MSANTD4: variants seen among roughly 807,000 people sequenced by gnomAD.
The protein encoded by MSANTD4 is myb/SANT-like DNA-binding domain-containing protein 4.
A neutral mutation model predicts 34.3 loss-of-function variants in MSANTD4; 13 were observed. The ratio of observed to expected loss-of-function variants is 0.38; its 90% CI spans 0.25 to 0.60. The LOEUF is 0.60. Among genes scored for constraint, MSANTD4 ranks in the 20% least tolerant of loss-of-function variants. The pLI, the probability that MSANTD4 is intolerant of heterozygous loss-of-function variation, is 0.63. For missense variants in MSANTD4, 358 were observed against 401.8 expected (o/e 0.89, Z 0.93); for synonymous variants, 137 against 145.2 (o/e 0.94, Z 0.41).
At chr11:106,017,673 A>G (rs1005922830) in intron 1 of MSANTD4, among the ~76,000 whole-genome samples, 1 of 152,186 alleles carries the variant, frequency 6.6e-6, no homozygotes, top group Non-Finnish European at 1.5e-5. Flanking sequence ...TATGTATTAC[A>G]TGAATACATA....
chr11:106,008,324 A>AAATATACTAC lies in MSANTD4; in HGVS notation c.*1201_*1210dup, dbSNP rs1247222901. On this transcript the variant is annotated 3_prime_UTR_variant, in exon 3 of 3. Transcript: ENST00000301919. Reference sequence around the variant, plus strand: ...GTTCCTCAGGGAAGAGGGAAGGACAAAATATACTACAATATAGAAGATCAG... The same window carrying AAATATACTAC: ...GTTCCTCAGGGAAGAGGGAAGGACAAAATATACTACAATATACTACAATATAGAAGATCAG... 6.6e-6 allele frequency: 1 copy of AAATATACTAC among 152,340 alleles called. No homozygotes were observed. Among genetic ancestry groups the AAATATACTAC allele is most frequent in the Non-Finnish European group, 1.5e-5 (1 of 68,028 alleles). 9.4% of individuals were successfully genotyped at this position (152,340 alleles called of 1,614,324 possible).
In MSANTD4 at chr11:106,010,547, T is replaced by C. The variant is rs1859663219; in HGVS notation, c.371A>G (p.Asp124Gly). 1.9e-6 allele frequency: 3 copies of C among 1,614,166 alleles called. No homozygotes were observed. Among genetic ancestry groups the C allele is most frequent in the Non-Finnish European group, 2.5e-6 (3 of 1,180,026 alleles). ...CCTGAAATCTGCCACATTTTGCCAG[T>C]CAAAATTTGCATCATTTCGGAATCC... The part of the protein sequence containing the change: ...KIGFRNDANF[D>G]WQNVADFRDA... The change falls in exon 2 of 3, where the codon GAC (aspartate) becomes GGC (glycine). Residue 124 changes from aspartate (D) to glycine (G), a missense_variant. Physicochemically the swap from Asp to Gly is moderately conservative, Grantham distance 94. Transcript: ENST00000301919.
At position 106,008,005 on chromosome 11, in the gene MSANTD4, T is replaced by C. The variant is rs1168161043; in HGVS notation, c.*1530A>G. On this transcript the variant is annotated 3_prime_UTR_variant, in exon 3 of 3. Coordinates refer to ENST00000301919, the MANE Select transcript of MSANTD4 (RefSeq NM_032424.3). The stretch of plus-strand genomic sequence containing the variant: ...AGAGTAAGTAAACAGAAGTATATTT[T>C]TTCCTTGCATACCCATCCTCAAATG... The C allele has an allele frequency of 1.3e-5, 2 of 152,676 alleles. No homozygotes were observed. Among genetic ancestry groups the C allele is most frequent in the Non-Finnish European group, 2.9e-5 (2 of 68,036 alleles). 9.5% of individuals were successfully genotyped at this position (152,676 alleles called of 1,614,324 possible).
chr11:106,012,604 C>T (rs1859729067), intron 1 of MSANTD4, among the ~76,000 whole-genome samples: 1 of 152,152 alleles, frequency 6.6e-6, no homozygotes, highest in South Asian at 2.1e-4. Flanking sequence ...TTTCCAGAAT[C>T]TCAGGTTGTC....
chr11:106,017,148 T>C (rs1000903910), intron 1 of MSANTD4, among the ~76,000 whole-genome samples: 2 of 152,208 alleles, frequency 1.3e-5, no homozygotes, highest in African/African-American at 4.8e-5. Flanking sequence ...ATAAATGTCA[T>C]GTTAGAGTAT....
rs189795893 is a variant in MSANTD4 at position 106,011,475 on chromosome 11, G to A, written c.-150-408C>T. Among the ~76,000 whole-genome samples, 402 of 152,136 alleles carry A rather than the reference G, an allele frequency of 2.6e-3. 1 individual carries two copies. The highest frequency in any genetic ancestry group is 3.9e-3 in the Non-Finnish European group (267 of 67,988). ...TTCTCGGTCTATTTTATTCCTCCTC[G>A]GTCTACTTTATTCCTCCTCATCCTT... On this transcript the variant is annotated intron_variant, in intron 1 of 2. Coordinates refer to ENST00000301919, the MANE Select transcript of MSANTD4 (RefSeq NM_032424.3).
At chr11:106,010,213 T>G in intron 2 of MSANTD4, 103 bp from the exon 3 acceptor site, 1 of 1,234,326 alleles carries the variant, frequency 8.1e-7, no homozygotes, top group East Asian at 2.5e-5. Context: ...GGAAAAATAC[T>G]TAATTTGAAT....
In MSANTD4 at chr11:106,009,266, T is replaced by C. The variant is rs935523629; in HGVS notation, c.*269A>G. ...GGGCTAGAATTTTATATGGACATAA[T>C]TGTAAACTCTGGGTACACAGACAAT... On this transcript the variant is annotated 3_prime_UTR_variant, in exon 3 of 3. Transcript: ENST00000301919. The C allele has an allele frequency of 2.3e-5, 7 of 306,732 alleles. No individual in the cohort carries two copies. The South Asian group carries it at 6.6e-4, about 29-fold the overall frequency. The allele number at this position is 306,732 out of a possible 1,614,324, so 19.0% of individuals were successfully genotyped here.
In MSANTD4 at chr11:106,009,645, C is replaced by G. The variant is rs757090251; in HGVS notation, c.928G>C (p.Asp310His). ...TCAAACTTCAAAAACTGCAGCCTAT[C>G]CTTTTCCAGTTGCAAGCGTTCTCGC... Reference protein sequence around the residue: ...LERERLQLEKDRLQFLKFESE... With the variant: ...LERERLQLEKHRLQFLKFESE... Residue 310 changes from aspartate (D) to histidine (H), a missense_variant, in exon 3 of 3, where the codon GAT becomes CAT. Physicochemically the swap from Asp to His is moderately conservative, Grantham distance 81. This residue lies in a region of MSANTD4 where 312 missense variants were observed against 317.6 expected (regional missense o/e 0.98). Coordinates refer to ENST00000301919, the MANE Select transcript of MSANTD4 (RefSeq NM_032424.3). 6.2e-7 allele frequency: 1 copy of G among 1,614,222 alleles called. No individual in the cohort carries two copies. The highest frequency in any genetic ancestry group is 8.5e-7 in the Non-Finnish European group (1 of 1,180,050).
chr11:106,010,328 A>T, intron 2 of MSANTD4, 128 bp downstream of exon 2: 2 of 1,410,006 alleles, frequency 1.4e-6, no homozygotes, highest in Non-Finnish European at 1.9e-6. Flanking sequence ...AGAGAAAAGC[A>T]GAATGACTTG....
intron 1 of MSANTD4, among the ~76,000 whole-genome samples, chr11:106,017,513 TATAC>T (rs1859887343): frequency 6.6e-6 from 1 of 152,180 alleles, no homozygotes; most frequent in South Asian, 2.1e-4. Flanking sequence ...AACAGCAAAA[TATAC>T]ATATAGTTAG....
chr11:106,021,464 C>G lies in MSANTD4; in HGVS notation c.-653G>C, dbSNP rs1388462680. On this transcript the variant is annotated 5_prime_UTR_variant, in exon 1 of 3. Transcript: ENST00000301919. ...AGTTCCTAGATACTTCATGATAAGT[C>G]AGAATTAAGAAGTCTGAGAAAAACC... 1 of 152,124 alleles carries G rather than the reference C, an allele frequency of 6.6e-6. No individual in the cohort carries two copies. The highest frequency in any genetic ancestry group is 1.9e-4 in the East Asian group (1 of 5,182). The allele number at this position is 152,124 out of a possible 1,614,324, so 9.4% of individuals were successfully genotyped here.
At chr11:106,016,200 C>T (rs1285364266) in intron 1 of MSANTD4, among the ~76,000 whole-genome samples, 2 of 152,202 alleles carry the variant, frequency 1.3e-5, no homozygotes, top group African/African-American at 4.8e-5. Context: ...TTAATTAATA[C>T]TCTGGCCTAA....
At position 106,009,640 on chromosome 11, in the gene MSANTD4, C is replaced by A. The variant is rs752896718; in HGVS notation, c.933G>T (p.Arg311Ser). The A allele has an allele frequency of 1.9e-5, 31 of 1,614,060 alleles. No individual in the cohort carries two copies. The highest frequency in any genetic ancestry group is 2.5e-5 in the Non-Finnish European group (30 of 1,180,048). Reference protein sequence around the residue: ...ERERLQLEKDRLQFLKFESEK... With the variant: ...ERERLQLEKDSLQFLKFESEK... ...CAGATTCAAACTTCAAAAACTGCAGCCTATCCTTTTCCAGTTGCAAGCGTT... is the reference window on the plus strand; with the variant it reads ...CAGATTCAAACTTCAAAAACTGCAGACTATCCTTTTCCAGTTGCAAGCGTT... The change falls in exon 3 of 3, where the codon AGG becomes AGT. Residue 311 changes from arginine to serine, a missense_variant. Physicochemically the swap from Arg to Ser is moderately radical, Grantham distance 110. Coordinates refer to ENST00000301919, the MANE Select transcript of MSANTD4 (RefSeq NM_032424.3).
rs966636249 is a variant in MSANTD4, at chr11:106,021,903, G to A, written c.-1092C>T. 1.3e-5 allele frequency: 2 copies of A among 152,276 alleles called. No individual in the cohort carries two copies. Among genetic ancestry groups the A allele is most frequent in the Non-Finnish European group, 2.9e-5 (2 of 68,134 alleles). The allele number at this position is 152,276 out of a possible 1,614,324, so 9.4% of individuals were successfully genotyped here. A position where few individuals can be genotyped will look rare whatever the true frequency, so the allele number is the denominator to read the frequency against. On this transcript the variant is annotated 5_prime_UTR_variant, in exon 1 of 3. Coordinates refer to ENST00000301919, the MANE Select transcript of MSANTD4 (RefSeq NM_032424.3). ...CGGTGGGAGTCGGGGCAACCTGGAAGATCTCCTCTCTCTGGGTATTAAATG... is the reference window on the plus strand; with the variant it reads ...CGGTGGGAGTCGGGGCAACCTGGAAAATCTCCTCTCTCTGGGTATTAAATG...
In MSANTD4 at chr11:106,010,449, T is replaced by C. The variant is rs1335017044; in HGVS notation, c.462+7A>G. 5.0e-6 allele frequency: 8 copies of C among 1,605,284 alleles called. No individual in the cohort carries two copies. Among genetic ancestry groups the C allele is most frequent in the Non-Finnish European group, 6.8e-6 (8 of 1,175,512 alleles). ...GATTAAAAGAGGGTACAGAGGCTAA[T>C]ACTTACTTCAGGACTCTGCGGATCC... On this transcript the variant is annotated splice_region_variant and intron_variant, in intron 2 of 2. Coordinates refer to ENST00000301919, the MANE Select transcript of MSANTD4 (RefSeq NM_032424.3).
chr11:106,018,088 C>A (rs2155343), intron 1 of MSANTD4, among the ~76,000 whole-genome samples: 3 of 151,858 alleles, frequency 2.0e-5, no homozygotes, highest in African/African-American at 7.3e-5. Flanking sequence ...AATCTACACA[C>A]GTAATTTAAA....
chr11:106,022,241 G>GA (rs1195600198), upstream of MSANTD4: 1 of 152,368 alleles, frequency 6.6e-6, no homozygotes, highest in African/African-American at 2.4e-5. Context: ...AGGGGGGTAG[G>GA]AAAAAAGATG....
In MSANTD4 at chr11:106,022,024, A is replaced by C. The variant is rs1442860847; in HGVS notation, c.-1213T>G. ...CGGTCAGGCGACAGACGCGCGTGGC[A>C]CTTCTCCCGAGCGTGCAGTCCCGCT... On this transcript the variant is annotated 5_prime_UTR_variant, in exon 1 of 3. Coordinates refer to ENST00000301919, the MANE Select transcript of MSANTD4 (RefSeq NM_032424.3). 6.6e-6 allele frequency: 1 copy of C among 152,312 alleles called. No individual in the cohort carries two copies. Among genetic ancestry groups the C allele is most frequent in the Non-Finnish European group, 1.5e-5 (1 of 68,212 alleles). The allele number at this position is 152,312 out of a possible 1,614,324, so 9.4% of individuals were successfully genotyped here. A position where few individuals can be genotyped will look rare whatever the true frequency, so the allele number is the denominator to read the frequency against.
Sources: allele counts gnomAD v4.1 joint callset (sites outside exome capture counted in the v4.1 genomes callset), GRCh38; gene constraint gnomAD v4.1.1; regional missense constraint gnomAD v4.1.1; transcripts MANE v1.5; gene names NCBI Gene and HGNC (gene_info 2026-07-23, HGNC 2026-07-21).